MINDY2: variants seen among roughly 807,000 people sequenced by gnomAD.
MINDY2 encodes ubiquitin carboxyl-terminal hydrolase MINDY-2.
A neutral mutation model predicts 68.2 loss-of-function variants in MINDY2; 52 were observed. That is an observed-to-expected ratio of 0.76 (90% confidence interval 0.61 to 0.96). The LOEUF is 0.96. Ranked by LOEUF, MINDY2 falls within the 40% of genes least tolerant of loss-of-function variation. The probability of loss-of-function intolerance (pLI) is 0.00; values close to 1 mark genes in which losing one functional copy is unlikely to be tolerated. For missense variants in MINDY2, 881 were observed against 773.4 expected (o/e 1.14, Z -1.65); for synonymous variants, 372 against 303.0 (o/e 1.23, Z -2.36).
At chr15:58,807,553 C>T (rs968725405) in intron 3 of MINDY2, among the ~76,000 whole-genome samples, 4 of 151,880 alleles carry the variant, frequency 2.6e-5, no homozygotes, top group East Asian at 1.9e-4. Context: ...TTAGTAGAGA[C>T]GGGGTTTCAC....
chr15:58,840,676 A>C (rs1428144088), intron 6 of MINDY2, among the ~76,000 whole-genome samples: 1 of 143,016 alleles, frequency 7.0e-6, no homozygotes, highest in Admixed American at 7.0e-5. Context: ...TATTATTTTG[A>C]GATGGAGTCT....
intron 6 of MINDY2, among the ~76,000 whole-genome samples, chr15:58,838,063 C>G (rs1296508119): frequency 6.6e-6 from 1 of 151,026 alleles, no homozygotes; most frequent in Non-Finnish European, 1.5e-5. Context: ...TTTGGAACAT[C>G]TATCGCATAA....
intron 2 of MINDY2, among the ~76,000 whole-genome samples, chr15:58,794,409 A>G (rs1700283240): frequency 1.3e-5 from 2 of 150,580 alleles, no homozygotes; most frequent in African/African-American, 4.9e-5. Context: ...TAAGAATAAA[A>G]TATTTTTGTT....
intron 2 of MINDY2, among the ~76,000 whole-genome samples, chr15:58,791,428 A>G (rs1205431446): frequency 4.6e-5 from 7 of 151,252 alleles, no homozygotes; most frequent in African/African-American, 1.2e-4. Context: ...CAGCCTGGGC[A>G]ACATGGTGAG....
chr15:58,856,499 A>G lies in MINDY2; in HGVS notation c.*1889A>G, dbSNP rs1334912652. ...TGTTACACAATTTGTTATTTCTTCAAATTTCCTATGGTAGCATGATAAATC... is the reference window on the plus strand; with the variant it reads ...TGTTACACAATTTGTTATTTCTTCAGATTTCCTATGGTAGCATGATAAATC... On this transcript the variant is annotated 3_prime_UTR_variant, in exon 9 of 9. Transcript: ENST00000559228. The G allele has an allele frequency of 2.0e-5, 3 of 152,500 alleles. No homozygotes were observed. The highest frequency in any genetic ancestry group is 4.8e-5 in the African/African-American group (2 of 41,434). 9.4% of individuals were successfully genotyped at this position (152,500 alleles called of 1,614,324 possible).
chr15:58,806,005 T>C (rs1902980332), intron 3 of MINDY2, among the ~76,000 whole-genome samples: 1 of 152,092 alleles, frequency 6.6e-6, no homozygotes, highest in South Asian at 2.1e-4. Flanking sequence ...ACCCAGGAGG[T>C]GGAGGTTGCA....
intron 6 of MINDY2, among the ~76,000 whole-genome samples, chr15:58,838,052 C>T (rs1051190633): frequency 1.3e-5 from 2 of 150,522 alleles, no homozygotes; most frequent in Non-Finnish European, 3.0e-5. Flanking sequence ...AACTCTTTCT[C>T]TTTGGAACAT....
rs530940512 is a variant in MINDY2, at chr15:58,802,963, G to T, written c.963+586G>T. On this transcript the variant is annotated intron_variant, in intron 3 of 8. Transcript: ENST00000559228. ...ATTCTTCCTTTACTTGGTAATAGAA[G>T]GCAAGAAGGAATTGGCTTCTTAGAG... 2.0e-4 allele frequency among the ~76,000 whole-genome samples: 30 copies of T among 152,302 alleles called. 1 individual carries two copies. Among genetic ancestry groups the T allele is most frequent in the Admixed American group, 1.9e-3 (29 of 15,292 alleles).
chr15:58,836,206 G>A (rs566036408), intron 6 of MINDY2, among the ~76,000 whole-genome samples: 1 of 151,866 alleles, frequency 6.6e-6, no homozygotes, highest in Non-Finnish European at 1.5e-5. Flanking sequence ...GACCGCACCC[G>A]GCCTATTGCA....
intron 8 of MINDY2, among the ~76,000 whole-genome samples, chr15:58,852,339 TA>T (rs2032863306): frequency 6.8e-6 from 1 of 148,144 alleles, no homozygotes; most frequent in Admixed American, 6.8e-5. Flanking sequence ...TCGCTTGAGA[TA>T]AAAAATTTTA....
intron 2 of MINDY2, among the ~76,000 whole-genome samples, chr15:58,790,074 C>T (rs990212018): frequency 2.6e-5 from 4 of 152,104 alleles, no homozygotes; most frequent in African/African-American, 9.7e-5. Flanking sequence ...CCACTGCACC[C>T]GGCAGGAAGA....
At chr15:58,784,555 A>C (rs1293216855) in intron 1 of MINDY2, among the ~76,000 whole-genome samples, 1 of 151,728 alleles carries the variant, frequency 6.6e-6, no homozygotes, top group East Asian at 1.9e-4. Flanking sequence ...TTTATGTTGT[A>C]GATAATTACT....
Position 58,855,349 on chromosome 15 carries a change from G to T in MINDY2, c.*739G>T, listed in dbSNP as rs16940856. On this transcript the variant is annotated 3_prime_UTR_variant, in exon 9 of 9. Coordinates refer to ENST00000559228, the MANE Select transcript of MINDY2 (RefSeq NM_001040450.3). ...TGTTGTAAAATTTTGAGGAATTTTG[G>T]AGTCTTTATCATAGGTAACCTGGAC... 6.6e-6 allele frequency: 1 copy of T among 152,360 alleles called. No homozygotes were observed. Among genetic ancestry groups the T allele is most frequent in the African/African-American group, 2.4e-5 (1 of 41,356 alleles). 9.4% of individuals were successfully genotyped at this position (152,360 alleles called of 1,614,324 possible). A position where few individuals can be genotyped will look rare whatever the true frequency, so the allele number is the denominator to read the frequency against.
chr15:58,786,210 G>A (rs945117238), intron 1 of MINDY2, among the ~76,000 whole-genome samples: 3 of 152,120 alleles, frequency 2.0e-5, no homozygotes, highest in African/African-American at 7.2e-5. Context: ...ATTTGATAAC[G>A]TAAACACCTA....
chr15:58,787,032 G>A (rs1215808156), intron 1 of MINDY2, among the ~76,000 whole-genome samples: 4 of 151,486 alleles, frequency 2.6e-5, no homozygotes, highest in Non-Finnish European at 5.9e-5. Flanking sequence ...GTTTCACCAT[G>A]TTGGCTAGGC....
chr15:58,784,924 C>T (rs635349), intron 1 of MINDY2, among the ~76,000 whole-genome samples: 2,450 of 151,710 alleles, frequency 0.016, 57 homozygotes, highest in African/African-American at 0.049. Context: ...CGTGAGCCAC[C>T]GTACCCAGCC....
At chr15:58,811,306 C>T (rs1290568373) in intron 4 of MINDY2, among the ~76,000 whole-genome samples, 2 of 152,326 alleles carry the variant, frequency 1.3e-5, no homozygotes, top group East Asian at 3.9e-4. Context: ...TCTAAATGTA[C>T]ATTGACCTTT....
At chr15:58,822,395 T>C (rs1277063239) in intron 5 of MINDY2, among the ~76,000 whole-genome samples, 3 of 152,176 alleles carry the variant, frequency 2.0e-5, no homozygotes, top group African/African-American at 7.2e-5. Flanking sequence ...TTTGGTATGG[T>C]CAGGTACCCA....
chr15:58,853,819 TA>T (rs10563818), intron 8 of MINDY2, among the ~76,000 whole-genome samples: 6,337 of 102,250 alleles, frequency 0.062, 140 homozygotes, highest in East Asian at 0.14. Context: ...TCCATCTCAA[TA>T]AAAAAAAAAA....
Sources: allele counts gnomAD v4.1 joint callset (sites outside exome capture counted in the v4.1 genomes callset), GRCh38; gene constraint gnomAD v4.1.1; transcripts MANE v1.5; gene names NCBI Gene and HGNC (gene_info 2026-07-23, HGNC 2026-07-21).